ANKRD50: variants seen among roughly 807,000 people sequenced by gnomAD.
ANKRD50 encodes ankyrin repeat domain 50, also known as ankyrin repeat domain-containing protein 50.
Under a neutral mutation model 112.0 loss-of-function variants are expected in ANKRD50, and 40 were observed. The ratio of observed to expected loss-of-function variants is 0.36; its 90% confidence interval spans 0.28 to 0.46. The LOEUF (loss-of-function observed/expected upper bound fraction) is 0.46, where lower values mean the gene tolerates loss of function less well. Among genes scored for constraint, ANKRD50 ranks in the 20% least tolerant of loss-of-function variants. The probability of loss-of-function intolerance (pLI) is 1.00; values close to 1 mark genes in which losing one functional copy is unlikely to be tolerated. For synonymous variants in ANKRD50, 613 were observed against 619.1 expected, an observed-to-expected ratio of 0.99 and a Z score of 0.15; for missense variants, 1,487 against 1,701.7, an observed-to-expected ratio of 0.87 and a Z score of 2.22.
chr4:124,707,856 G>C (rs891441813), intron 2 of ANKRD50, among the ~76,000 whole-genome samples: 3 of 151,910 alleles, frequency 2.0e-5, no homozygotes, highest in Admixed American at 6.6e-5. Flanking sequence ...AGAAACAATT[G>C]AATAAAAGAA....
At position 124,710,525 on chromosome 4, in the gene ANKRD50, T is replaced by C; in HGVS notation, c.-14A>G. 2 of 1,599,708 alleles carry C rather than the reference T, an allele frequency of 1.3e-6. No individual in the cohort carries two copies. The highest frequency in any genetic ancestry group is 1.7e-6 in the Non-Finnish European group (2 of 1,176,088). On this transcript the variant is annotated 5_prime_UTR_variant, in exon 2 of 5. Transcript: ENST00000504087. ...AGGATTAGTCATAACGGGTTTTTTA[T>C]CTTCATTTGCTAGAGTCTGGATACA...
chr4:124,707,318 C>A (rs1232894428), intron 2 of ANKRD50, among the ~76,000 whole-genome samples: 4 of 151,972 alleles, frequency 2.6e-5, no homozygotes, highest in African/African-American at 4.8e-5. Flanking sequence ...TATTAAAATT[C>A]TCTAAAGGAC....
chr4:124,709,909 G>T, intron 2 of ANKRD50, 91 bp downstream of exon 2: 1 of 1,499,050 alleles, frequency 6.7e-7, no homozygotes, highest in South Asian at 1.4e-5. Context: ...ACCAGTAAAA[G>T]TAACCCACAA....
At chr4:124,690,153 G>A (rs1725102581) in intron 2 of ANKRD50, among the ~76,000 whole-genome samples, 1 of 152,204 alleles carries the variant, frequency 6.6e-6, no homozygotes, top group South Asian at 2.1e-4. Context: ...GTCATTAAGA[G>A]AGGAGTACCT....
intron 2 of ANKRD50, among the ~76,000 whole-genome samples, chr4:124,684,856 T>C (rs1337908277): frequency 6.6e-6 from 1 of 152,194 alleles, no homozygotes; most frequent in Non-Finnish European, 1.5e-5. Flanking sequence ...TAGCACATTG[T>C]CTTCCTTTCT....
chr4:124,670,302 A>C lies in ANKRD50; in HGVS notation c.2975T>G (p.Met992Arg). ...ALHVSCWQGH[M>R]EMVQVLIAYH... ...TGCTATCAGGACCTGCACCATTTCCATATGGCCTTGCCAACAAGACACATG... is the reference window on the plus strand; with the variant it reads ...TGCTATCAGGACCTGCACCATTTCCCTATGGCCTTGCCAACAAGACACATG... The change falls in exon 4 of 5, where the codon ATG (methionine) becomes AGG (arginine). Residue 992 changes from methionine to arginine, a missense_variant. By Grantham distance (91) the Met-to-Arg change is moderately conservative. Around this residue, in one of 2 missense-constraint regions of ANKRD50, gnomAD observed 1,046 missense variants for 1,269.5 expected, o/e 0.82. Transcript: ENST00000504087. 9 of 1,613,938 alleles carry C rather than the reference A, an allele frequency of 5.6e-6. No individual in the cohort carries two copies. Among genetic ancestry groups the C allele is most frequent in the Non-Finnish European group, 7.6e-6 (9 of 1,179,884 alleles).
rs889557407 is a variant in ANKRD50, at chr4:124,690,547, A to C, written c.513-11642T>G. 2.4e-4 allele frequency among the ~76,000 whole-genome samples: 37 copies of C among 152,234 alleles called. 1 individual carries two copies. Among genetic ancestry groups the C allele is most frequent in the African/African-American group, 8.4e-4 (35 of 41,464 alleles). Reference sequence around the variant, plus strand: ...AAAATAGATATTGGTAATTAAAACTAGGACAATACAATAAACAGTACAATA... The same window carrying C: ...AAAATAGATATTGGTAATTAAAACTCGGACAATACAATAAACAGTACAATA... On this transcript the variant is annotated intron_variant, in intron 2 of 4. Coordinates refer to ENST00000504087, the MANE Select transcript of ANKRD50 (RefSeq NM_020337.3).
chr4:124,677,641 C>T (rs950985778), intron 3 of ANKRD50, among the ~76,000 whole-genome samples: 1 of 151,828 alleles, frequency 6.6e-6, no homozygotes, highest in Non-Finnish European at 1.5e-5. Context: ...ATATTATAAT[C>T]CCCATTTCAT....
intron 2 of ANKRD50, among the ~76,000 whole-genome samples, chr4:124,687,900 C>T (rs533628628): frequency 1.3e-5 from 2 of 152,226 alleles, no homozygotes; most frequent in South Asian, 2.1e-4. Context: ...TAGCCATTTC[C>T]AACGGTACAA....
chr4:124,708,693 C>T (rs1247291363), intron 2 of ANKRD50, among the ~76,000 whole-genome samples: 1 of 34,020 alleles, frequency 2.9e-5, no homozygotes, highest in Non-Finnish European at 9.0e-5. Flanking sequence ...CTAACACATA[C>T]ACACACACAC....
chr4:124,669,667 C>T lies in ANKRD50; in HGVS notation c.3610G>A (p.Val1204Met). The T allele has an allele frequency of 6.2e-7, 1 of 1,612,350 alleles. No individual in the cohort carries two copies. Among genetic ancestry groups the T allele is most frequent in the African/African-American group, 1.3e-5 (1 of 74,856 alleles). ...AAGTTATGAAAGCTATCAATTGGCA[C>T]TGTTTGAGCCGTTGCTGTAGATGAA... is the stretch of plus-strand genomic sequence containing the variant. ...TTSSTATAQT[V>M]PIDSFHNLSF... Residue 1204 changes from valine to methionine, a missense_variant, in exon 4 of 5, where the codon GTG becomes ATG. Val to Met is a conservative substitution (Grantham distance 21, BLOSUM62 1). Transcript: ENST00000504087.
chr4:124,672,320 C>A lies in ANKRD50; in HGVS notation c.957G>T (p.Met319Ile), dbSNP rs1730680573. 1 of 1,613,386 alleles carries A rather than the reference C, an allele frequency of 6.2e-7. No individual in the cohort carries two copies. The change falls in exon 4 of 5, where the codon ATG becomes ATT. Residue 319 changes from methionine to isoleucine, a missense_variant. Met to Ile is a conservative substitution (Grantham distance 10, BLOSUM62 1). Transcript: ENST00000504087. ...VLDGVVENFI[M>I]LREIRDIPGT... is the part of the protein sequence containing the mutation. Reference sequence around the variant, plus strand: ...CTGGGATGTCACGAATTTCTCTTAACATAATAAAATTTTCTACAACTCCAT... The same window carrying A: ...CTGGGATGTCACGAATTTCTCTTAAAATAATAAAATTTTCTACAACTCCAT...
chr4:124,677,380 A>C (rs371925830), intron 3 of ANKRD50, among the ~76,000 whole-genome samples: 128 of 151,944 alleles, frequency 8.4e-4, no homozygotes, highest in Middle Eastern at 6.8e-3. Context: ...AAATGATCTA[A>C]ATGTCCATGA....
At position 124,671,210 on chromosome 4, in the gene ANKRD50, A is replaced by AGG. The variant is rs764808295; in HGVS notation, c.2066_2067insCC (p.Arg690LeufsTer15). ...CCAGTAGGTGTTCCACAATCTCTCT[A>AGG]TGTCCCATGTATGCTGCTGCTATCA... is the stretch of plus-strand genomic sequence containing the variant. On this transcript the variant is annotated frameshift_variant, in exon 4 of 5. Coordinates refer to ENST00000504087, the MANE Select transcript of ANKRD50 (RefSeq NM_020337.3). LOFTEE classifies it high-confidence loss of function. The AGG allele has an allele frequency of 6.2e-7, 1 of 1,613,860 alleles. No individual in the cohort carries two copies. The highest frequency in any genetic ancestry group is 8.5e-7 in the Non-Finnish European group (1 of 1,179,830).
chr4:124,673,054 C>T (rs1452120417), intron 3 of ANKRD50, among the ~76,000 whole-genome samples: 1 of 152,084 alleles, frequency 6.6e-6, no homozygotes, highest in Non-Finnish European at 1.5e-5. Context: ...AACTACATTA[C>T]TGTACATTTT....
rs1331879534 is a variant in ANKRD50, at chr4:124,673,002, T to C, written c.743-468A>G. On this transcript the variant is annotated intron_variant, in intron 3 of 4. Transcript: ENST00000504087. Reference sequence around the variant, plus strand: ...TATACACTAGCCTTAATTATGTGACTGAATATTTACATCCAATTAGAATAT... The same window carrying C: ...TATACACTAGCCTTAATTATGTGACCGAATATTTACATCCAATTAGAATAT... Among the ~76,000 whole-genome samples, 4 of 152,246 alleles carry C rather than the reference T, an allele frequency of 2.6e-5. No homozygotes were observed. In the East Asian group the frequency reaches 7.7e-4, roughly 29 times the overall value.
Position 124,670,779 on chromosome 4 carries a change from A to G in ANKRD50, c.2498T>C (p.Leu833Pro). The change falls in exon 4 of 5, where the codon CTA becomes CCA. Residue 833 changes from leucine (L) to proline (P), a missense_variant. Around this residue, in one of 2 missense-constraint regions of ANKRD50, gnomAD observed 1,046 missense variants for 1,269.5 expected, o/e 0.82. Coordinates refer to ENST00000504087, the MANE Select transcript of ANKRD50 (RefSeq NM_020337.3). ...AQGNVEVVRT[L>P]LDRGLDENHR... is the part of the protein sequence containing the mutation. Reference sequence around the variant, plus strand: ...ATTTTCATCTAACCCTCTATCCAGTAGAGTACGTACCACCTCAACATTTCC... The same window carrying G: ...ATTTTCATCTAACCCTCTATCCAGTGGAGTACGTACCACCTCAACATTTCC... 6.2e-7 allele frequency: 1 copy of G among 1,613,906 alleles called. No individual in the cohort carries two copies. The highest frequency in any genetic ancestry group is 8.5e-7 in the Non-Finnish European group (1 of 1,179,876).
Position 124,671,689 on chromosome 4 carries a change from T to G in ANKRD50, c.1588A>C (p.Thr530Pro). ...ACTGAAGCTCCATTATCTAATAATG[T>G]CCGAATGGAATCCTCTCTTTCTAAG... ...QALEREDSIR[T>P]LLDNGASVNQ... Residue 530 changes from threonine to proline, a missense_variant, in exon 4 of 5, where the codon ACA (threonine) becomes CCA (proline). Physicochemically the swap from Thr to Pro is conservative, Grantham distance 38. Transcript: ENST00000504087. 5 of 1,613,858 alleles carry G rather than the reference T, an allele frequency of 3.1e-6. No individual in the cohort carries two copies. Among genetic ancestry groups the G allele is most frequent in the Non-Finnish European group, 3.4e-6 (4 of 1,179,854 alleles).
chr4:124,700,646 G>A (rs1450580481), intron 2 of ANKRD50, among the ~76,000 whole-genome samples: 1 of 152,138 alleles, frequency 6.6e-6, no homozygotes, highest in Non-Finnish European at 1.5e-5. Context: ...TTTAACTTCT[G>A]TATCGTTAGC....
Sources: gnomAD v4.1 joint callset for allele counts (sites outside exome capture counted in the v4.1 genomes callset) on GRCh38, gnomAD v4.1.1 for gene constraint, gnomAD v4.1.1 regional missense constraint, MANE v1.5 for transcripts, NCBI Gene and HGNC (gene_info 2026-07-23, HGNC 2026-07-21) for gene names.